The following COX16 variants were observed in gnomAD, a reference collection of about 807,000 sequenced individuals.
COX16 encodes the protein cytochrome c oxidase assembly factor COX16, also known as cytochrome c oxidase assembly protein COX16 homolog, mitochondrial.
Under a neutral mutation model 15.4 loss-of-function variants are expected in COX16, and 12 were observed. That is an observed-to-expected ratio of 0.78 (90% confidence interval 0.50 to 1.26). The LOEUF (loss-of-function observed/expected upper bound fraction) is 1.26. Among genes scored for constraint, COX16 ranks in the 50% most tolerant of loss-of-function variants. COX16 has a pLI of 0.00. For missense variants in COX16, 124 were observed against 127.6 expected, an observed-to-expected ratio of 0.97 and a Z score of 0.14; for synonymous variants, 46 against 41.1, an observed-to-expected ratio of 1.12 and a Z score of -0.46.
chr14:70,327,482 AT>A (rs561190558), intron 3 of COX16, among the ~76,000 whole-genome samples: 66 of 148,654 alleles, frequency 4.4e-4, no homozygotes, highest in Admixed American at 4.7e-4. Flanking sequence ...AAGTTACAGG[AT>A]TTTTTTTTTT....
At chr14:70,342,141 A>G (rs932181409) in intron 2 of COX16, among the ~76,000 whole-genome samples, 1 of 152,204 alleles carries the variant, frequency 6.6e-6, no homozygotes, top group African/African-American at 2.4e-5. Flanking sequence ...CAAATTTCCT[A>G]ATGAAATAAG....
chr14:70,337,931 C>G (rs1886506327), intron 2 of COX16, among the ~76,000 whole-genome samples: 1 of 151,398 alleles, frequency 6.6e-6, no homozygotes, highest in African/African-American at 2.4e-5. Context: ...GAGGGGAAAA[C>G]AAAACATTGA....
intron 2 of COX16, among the ~76,000 whole-genome samples, chr14:70,336,450 G>T (rs750610369): frequency 2.0e-5 from 3 of 152,128 alleles, no homozygotes; most frequent in Non-Finnish European, 2.9e-5. Flanking sequence ...TTATTAAATT[G>T]TACATGTATG....
intron 2 of COX16, among the ~76,000 whole-genome samples, chr14:70,339,473 AC>A (rs533472478): frequency 0.015 from 2,261 of 152,220 alleles, 24 homozygotes; most frequent in Non-Finnish European, 0.022. Flanking sequence ...ACGGTTGGTC[AC>A]CCCAAATCCA....
chr14:70,358,371 A>AT (rs34871293), intron 1 of COX16, among the ~76,000 whole-genome samples: 30,225 of 92,670 alleles, frequency 0.33, 4,072 homozygotes, highest in South Asian at 0.44. Context: ...AAAAACAACA[A>AT]TTTTTTTTTT....
At chr14:70,337,210 A>G (rs1886482028) in intron 2 of COX16, among the ~76,000 whole-genome samples, 1 of 152,146 alleles carries the variant, frequency 6.6e-6, no homozygotes, top group Non-Finnish European at 1.5e-5. Flanking sequence ...AATTCTCTGA[A>G]AAGTAGAGCA....
chr14:70,351,453 C>G (rs1169272398), intron 1 of COX16, among the ~76,000 whole-genome samples: 3 of 152,142 alleles, frequency 2.0e-5, no homozygotes, highest in Non-Finnish European at 4.4e-5. Flanking sequence ...CACATATACC[C>G]CTTGCAGATA....
At chr14:70,355,698 AC>A (rs1216551723) in intron 1 of COX16, among the ~76,000 whole-genome samples, 18 of 152,226 alleles carry the variant, frequency 1.2e-4, no homozygotes, top group Admixed American at 8.5e-4. Context: ...AAGATATAAT[AC>A]AAATTCCATT....
At chr14:70,345,894 ACCC>A (rs1009752270) in intron 1 of COX16, among the ~76,000 whole-genome samples, 2 of 149,352 alleles carry the variant, frequency 1.3e-5, no homozygotes, top group Non-Finnish European at 3.0e-5. Context: ...ATCTTTTTTA[ACCC>A]CCCAAGCCTC....
At chr14:70,350,601 T>C (rs1034022729) in intron 1 of COX16, among the ~76,000 whole-genome samples, 2 of 152,252 alleles carry the variant, frequency 1.3e-5, no homozygotes, top group Non-Finnish European at 2.9e-5. Flanking sequence ...TCATTGCATT[T>C]ATAAATGTAT....
At chr14:70,340,867 CTCCTTT>C (rs1886604509) in intron 2 of COX16, among the ~76,000 whole-genome samples, 1 of 152,186 alleles carries the variant, frequency 6.6e-6, no homozygotes, top group Non-Finnish European at 1.5e-5. Context: ...TTCTCTGATT[CTCCTTT>C]TCCAAGTTAA....
chr14:70,334,465 C>T (rs369321479), intron 2 of COX16, among the ~76,000 whole-genome samples: 33 of 152,236 alleles, frequency 2.2e-4, no homozygotes, highest in Non-Finnish European at 4.0e-4. Context: ...GGCAGTGAGC[C>T]GAGATTGCAC....
At chr14:70,359,332 CG>C in intron 1 of COX16, 186 bp downstream of exon 1, 1 of 665,754 alleles carries the variant, frequency 1.5e-6, no homozygotes, top group Non-Finnish European at 2.8e-6. Flanking sequence ...GGGACAGCGG[CG>C]GGGAAGTGGG....
At chr14:70,349,869 C>T (rs1304998504) in intron 1 of COX16, among the ~76,000 whole-genome samples, 1 of 152,198 alleles carries the variant, frequency 6.6e-6, no homozygotes, top group African/African-American at 2.4e-5. Context: ...GTCCACACCG[C>T]CTTGTCCTCT....
intron 1 of COX16, among the ~76,000 whole-genome samples, chr14:70,347,760 C>T (rs773415687): frequency 4.3e-4 from 66 of 152,234 alleles, no homozygotes; most frequent in South Asian, 6.2e-4. Context: ...ACCCCATGAA[C>T]CCGAGGGCTC....
chr14:70,347,694 C>T (rs962139857), intron 1 of COX16, among the ~76,000 whole-genome samples: 7 of 152,114 alleles, frequency 4.6e-5, no homozygotes, highest in African/African-American at 1.7e-4. Flanking sequence ...TATCGGGTCT[C>T]CCCTAAGAAA....
chr14:70,356,084 A>G (rs950487943), intron 1 of COX16, among the ~76,000 whole-genome samples: 4 of 152,018 alleles, frequency 2.6e-5, no homozygotes, highest in African/African-American at 9.7e-5. Flanking sequence ...CCATGAGCCA[A>G]AAGAAAATTC....
chr14:70,350,825 A>G (rs1363226991), intron 1 of COX16, among the ~76,000 whole-genome samples: 1 of 152,134 alleles, frequency 6.6e-6, no homozygotes, highest in Non-Finnish European at 1.5e-5. Flanking sequence ...TTTTAGGTCA[A>G]TTTGCTATCT....
chr14:70,341,080 A>G (rs1445765397), intron 2 of COX16, among the ~76,000 whole-genome samples: 1 of 152,204 alleles, frequency 6.6e-6, no homozygotes, highest in Non-Finnish European at 1.5e-5. Flanking sequence ...TTTCAAATAT[A>G]TACTTATTTT....
Sources: gnomAD v4.1 joint callset for allele counts (sites outside exome capture counted in the v4.1 genomes callset) on GRCh38, gnomAD v4.1.1 for gene constraint, MANE v1.5 for transcripts, NCBI Gene and HGNC (gene_info 2026-07-23, HGNC 2026-07-21) for gene names.